Variants in BPNT2 observed in about 807,000 individuals in gnomAD.
The protein encoded by BPNT2 is 3'(2'), 5'-bisphosphate nucleotidase 2.
A neutral mutation model predicts 29.3 loss-of-function variants in BPNT2; 11 were observed. That is an observed-to-expected ratio of 0.38 (90% CI 0.24 to 0.62). The LOEUF (loss-of-function observed/expected upper bound fraction) is 0.62. BPNT2 is among the 20% of genes least tolerant of loss of function. The probability of loss-of-function intolerance (pLI) is 0.62; values close to 1 mark genes in which losing one functional copy is unlikely to be tolerated. For missense variants in BPNT2, 459 were observed against 473.4 expected, an observed-to-expected ratio of 0.97 and a Z score of 0.28; for synonymous variants, 195 against 187.7, an observed-to-expected ratio of 1.04 and a Z score of -0.32.
In BPNT2 at chr8:56,963,754, T is replaced by A. The variant is rs1241481385; in HGVS notation, c.*39A>T. 1 of 1,611,552 alleles carries A rather than the reference T, an allele frequency of 6.2e-7. No homozygotes were observed. Among genetic ancestry groups the A allele is most frequent in the Non-Finnish European group, 8.5e-7 (1 of 1,178,016 alleles). On this transcript the variant is annotated 3_prime_UTR_variant, in exon 5 of 5. Coordinates refer to ENST00000262644, the MANE Select transcript of BPNT2 (RefSeq NM_017813.5). ...AGCTTCCAGCATCTCAGGCTAACCA[T>A]TTCAGCTGTGAAGAACTGTACCCTG...
chr8:56,992,694 C>G (rs1806437382), intron 1 of BPNT2, among the ~76,000 whole-genome samples: 1 of 146,472 alleles, frequency 6.8e-6, no homozygotes, highest in African/African-American at 2.5e-5. Flanking sequence ...CCCCACCCCC[C>G]CACCCCGACT....
In BPNT2 at chr8:56,993,845, A is replaced by G. The variant is rs1401781799; in HGVS notation, c.-260T>C. 4.4e-6 allele frequency: 1 copy of G among 228,740 alleles called. No individual in the cohort carries two copies. The highest frequency in any genetic ancestry group is 2.3e-5 in the African/African-American group (1 of 42,872). The allele number at this position is 228,740 out of a possible 1,614,324, so 14.2% of individuals were successfully genotyped here. A position where few individuals can be genotyped will look rare whatever the true frequency, so the allele number is the denominator to read the frequency against. ...CCGCCGGCCGGCTGGTCCGACTTCC[A>G]CGTTAGCCTACGGCCGCGAGGTGAA... On this transcript the variant is annotated 5_prime_UTR_variant, in exon 1 of 5. Transcript: ENST00000262644.
rs1222201568 is a variant in BPNT2 at position 56,962,505 on chromosome 8, C to A, written c.*1288G>T. Reference sequence around the variant, plus strand: ...GGCATGGGTAGTTTACATGAAGTTTCCAGATTTCACATTGAGAGAAACCAT... The same window carrying A: ...GGCATGGGTAGTTTACATGAAGTTTACAGATTTCACATTGAGAGAAACCAT... On this transcript the variant is annotated 3_prime_UTR_variant, in exon 5 of 5. Transcript: ENST00000262644. 2.0e-5 allele frequency: 3 copies of A among 152,102 alleles called. No homozygotes were observed. The highest frequency in any genetic ancestry group is 7.2e-5 in the African/African-American group (3 of 41,402). 9.4% of individuals were successfully genotyped at this position (152,102 alleles called of 1,614,324 possible).
chr8:56,980,015 G>T lies in BPNT2; in HGVS notation c.550+20C>A, dbSNP rs1473443582. ...CTACTAAACGTCAATCAAATGTTTT[G>T]AGTTCAGTTTAAAAATTACCTGTAT... On this transcript the variant is annotated intron_variant, in intron 2 of 4. Transcript: ENST00000262644. 3 of 1,611,510 alleles carry T rather than the reference G, an allele frequency of 1.9e-6. No individual in the cohort carries two copies. The highest frequency in any genetic ancestry group is 2.5e-6 in the Non-Finnish European group (3 of 1,178,472).
chr8:56,975,301 T>C (rs1806114004), intron 3 of BPNT2, among the ~76,000 whole-genome samples: 1 of 152,126 alleles, frequency 6.6e-6, no homozygotes, highest in African/African-American at 2.4e-5. Flanking sequence ...TTTGGCCTTG[T>C]TAGTTGAGAA....
At chr8:56,976,354 C>T (rs1806132893) in intron 3 of BPNT2, among the ~76,000 whole-genome samples, 1 of 152,150 alleles carries the variant, frequency 6.6e-6, no homozygotes, top group Non-Finnish European at 1.5e-5. Context: ...TATTCAACCT[C>T]ATATATTTTG....
In BPNT2 at chr8:56,980,872, T is replaced by A. The variant is rs1027772356; in HGVS notation, c.388-675A>T. ...CACACAAACCCCCCTTACACATATA[T>A]ATTCTCTCTGTATAATATATATTAT... On this transcript the variant is annotated intron_variant, in intron 1 of 4. Coordinates refer to ENST00000262644, the MANE Select transcript of BPNT2 (RefSeq NM_017813.5). Among the ~76,000 whole-genome samples, 14 of 148,426 alleles carry A rather than the reference T, an allele frequency of 9.4e-5. No individual in the cohort carries two copies. In the South Asian group the frequency reaches 3.0e-3, roughly 32 times the overall value.
rs1236276209 is a variant in BPNT2 at position 56,960,599 on chromosome 8, C to G, written c.*3194G>C. The G allele has an allele frequency of 6.6e-6, 1 of 152,080 alleles. No homozygotes were observed. Among genetic ancestry groups the G allele is most frequent in the Non-Finnish European group, 1.5e-5 (1 of 68,016 alleles). 9.4% of individuals were successfully genotyped at this position (152,080 alleles called of 1,614,324 possible). On this transcript the variant is annotated 3_prime_UTR_variant, in exon 5 of 5. Transcript: ENST00000262644. ...ACACTAAAATTGGGGTAGCACATAC[C>G]AAGACAAACATGACCATCTTGTAGG...
At chr8:56,981,901 G>A (rs563112907) in intron 1 of BPNT2, among the ~76,000 whole-genome samples, 3 of 152,096 alleles carry the variant, frequency 2.0e-5, no homozygotes, top group Non-Finnish European at 2.9e-5. Flanking sequence ...TAGACCCCAC[G>A]CTACAGTGCC....
intron 1 of BPNT2, among the ~76,000 whole-genome samples, chr8:56,986,999 T>C (rs1436446376): frequency 6.6e-6 from 1 of 152,194 alleles, no homozygotes; most frequent in Non-Finnish European, 1.5e-5. Flanking sequence ...ATACATATAA[T>C]ACATATACAC....
Position 56,993,843 on chromosome 8 carries a change from C to A in BPNT2, c.-258G>T, listed in dbSNP as rs1208640253. On this transcript the variant is annotated 5_prime_UTR_variant, in exon 1 of 5. Coordinates refer to ENST00000262644, the MANE Select transcript of BPNT2 (RefSeq NM_017813.5). ...TTCCGCCGGCCGGCTGGTCCGACTT[C>A]CACGTTAGCCTACGGCCGCGAGGTG... 1 of 241,330 alleles carries A rather than the reference C, an allele frequency of 4.1e-6. No individual in the cohort carries two copies. Among genetic ancestry groups the A allele is most frequent in the Non-Finnish European group, 6.7e-6 (1 of 148,788 alleles). The allele number at this position is 241,330 out of a possible 1,614,324, so 14.9% of individuals were successfully genotyped here.
chr8:56,985,847 C>T (rs993548598), intron 1 of BPNT2, among the ~76,000 whole-genome samples: 2 of 152,136 alleles, frequency 1.3e-5, no homozygotes, highest in African/African-American at 4.8e-5. Flanking sequence ...GTGATTCTGG[C>T]CAGCAGAATA....
intron 3 of BPNT2, among the ~76,000 whole-genome samples, chr8:56,973,786 A>G (rs976545203): frequency 6.6e-6 from 1 of 152,196 alleles, no homozygotes; most frequent in Admixed American, 6.5e-5. Flanking sequence ...ACTGCTTTTG[A>G]CTTCTTTTAT....
rs1806450826 is a variant in BPNT2 at position 56,993,347 on chromosome 8, T to C, written c.239A>G (p.Glu80Gly). The C allele has an allele frequency of 1.2e-6, 2 of 1,610,850 alleles. No individual in the cohort carries two copies. The highest frequency in any genetic ancestry group is 1.3e-5 in the African/African-American group (1 of 74,900). ...SVLAAVRGGD[E>G]VRRVRESNVL... ...GTTGCTCTCGCGGACGCGCCTCACC[T>C]CGTCGCCGCCGCGGACTGCGGCCAG... The change falls in exon 1 of 5, where the codon GAG becomes GGG. Residue 80 changes from glutamate to glycine, a missense_variant. Physicochemically the swap from Glu to Gly is moderately conservative, Grantham distance 98 (BLOSUM62 -2). Transcript: ENST00000262644.
intron 3 of BPNT2, among the ~76,000 whole-genome samples, chr8:56,971,110 C>A (rs567533743): frequency 2.6e-5 from 4 of 151,896 alleles, no homozygotes; most frequent in Non-Finnish European, 4.4e-5. Flanking sequence ...GTTACATAAA[C>A]TCAATACATT....
rs1487081238 is a variant in BPNT2, at chr8:56,960,793, C to A, written c.*3000G>T. ...AAAACACTCATATTAGACTTGACAACATAAAGGGTTGTGGTTTTGAAGGTG... is the reference window on the plus strand; with the variant it reads ...AAAACACTCATATTAGACTTGACAAAATAAAGGGTTGTGGTTTTGAAGGTG... On this transcript the variant is annotated 3_prime_UTR_variant, in exon 5 of 5. Transcript: ENST00000262644. 2 of 152,230 alleles carry A rather than the reference C, an allele frequency of 1.3e-5. No individual in the cohort carries two copies. The highest frequency in any genetic ancestry group is 1.9e-4 in the East Asian group (1 of 5,180). The allele number at this position is 152,230 out of a possible 1,614,324, so 9.4% of individuals were successfully genotyped here.
chr8:56,982,126 CTTTT>C (rs539120953), intron 1 of BPNT2, among the ~76,000 whole-genome samples: 6 of 141,524 alleles, frequency 4.2e-5, no homozygotes, highest in Non-Finnish European at 4.7e-5. Flanking sequence ...TTAAATATCT[CTTTT>C]TTTTTTTTTT....
At chr8:56,977,262 A>G (rs969300100) in intron 3 of BPNT2, among the ~76,000 whole-genome samples, 2 of 152,106 alleles carry the variant, frequency 1.3e-5, no homozygotes, top group Admixed American at 1.3e-4. Context: ...TAAAGGCCAG[A>G]AGTCTAAAAT....
chr8:56,980,303 A>C, intron 1 of BPNT2, 106 bp from the exon 2 acceptor site: 1 of 878,478 alleles, frequency 1.1e-6, no homozygotes, highest in Non-Finnish European at 1.8e-6. Context: ...TAAATAAGTA[A>C]ATCCCTATTT....
Sources: allele counts gnomAD v4.1 joint callset (sites outside exome capture counted in the v4.1 genomes callset), GRCh38; gene constraint gnomAD v4.1.1; transcripts MANE v1.5; gene names NCBI Gene and HGNC (gene_info 2026-07-23, HGNC 2026-07-21).